TEX36: variants seen among roughly 807,000 people sequenced by gnomAD.
TEX36 encodes the protein testis-expressed protein 36.
Under a neutral mutation model 13.6 loss-of-function variants are expected in TEX36, and 12 were observed. That is an observed-to-expected ratio of 0.88 (90% CI 0.56 to 1.43). The LOEUF is 1.43. TEX36 is among the 40% of genes most tolerant of loss of function. The pLI, the probability that TEX36 is intolerant of heterozygous loss-of-function variation, is 0.00. For synonymous variants in TEX36, 93 were observed against 83.0 expected, an observed-to-expected ratio of 1.12 and a Z score of -0.65; for missense variants, 224 against 228.3, an observed-to-expected ratio of 0.98 and a Z score of 0.12.
At chr10:125,667,089 A>G (rs1847135655) in intron 1 of TEX36, 2 of 1,097,354 alleles carry the variant, frequency 1.8e-6, no homozygotes, top group Non-Finnish European at 2.7e-6. Flanking sequence ...AGCACTTGTT[A>G]ATGGCGTTGA....
At chr10:125,615,391 C>A (rs1193400722) in intron 3 of TEX36, among the ~76,000 whole-genome samples, 4 of 152,094 alleles carry the variant, frequency 2.6e-5, no homozygotes, top group East Asian at 1.9e-4. Context: ...CCAGTTTTTG[C>A]CCATTCAGTA....
rs575873473 is a variant in TEX36, at chr10:125,638,899, G to A, written c.265-17254C>T. Among the ~76,000 whole-genome samples, 25 of 152,290 alleles carry A rather than the reference G, an allele frequency of 1.6e-4. 1 individual carries two copies. The highest frequency in any genetic ancestry group is 1.0e-3 in the Admixed American group (16 of 15,292). ...GGTGGAAATGCATCATGCTCCTTCC[G>A]TCTGCTGAATAAACCCATCATCCCT... On this transcript the variant is annotated intron_variant, in intron 3 of 3. Transcript: ENST00000526819.
intron 3 of TEX36, among the ~76,000 whole-genome samples, chr10:125,609,229 C>T (rs527992035): frequency 6.0e-5 from 9 of 150,990 alleles, no homozygotes; most frequent in Admixed American, 5.3e-4. Context: ...GGAGAGGGAA[C>T]ATTCTCTGTG....
At chr10:125,582,679 A>G (rs905929309) in intron 3 of TEX36, among the ~76,000 whole-genome samples, 3 of 152,218 alleles carry the variant, frequency 2.0e-5, no homozygotes, top group Admixed American at 6.5e-5. Context: ...CAATCAATAA[A>G]TAAACCTCGG....
chr10:125,656,338 C>A, intron 3 of TEX36, 142 bp from the exon 4 acceptor site: 6 of 736,372 alleles, frequency 8.1e-6, no homozygotes, highest in Non-Finnish European at 1.2e-5. Flanking sequence ...CTCACTGCAG[C>A]CTCTGCCTCC....
At chr10:125,666,150 CA>C (rs1339494357) in intron 1 of TEX36, among the ~76,000 whole-genome samples, 3 of 152,138 alleles carry the variant, frequency 2.0e-5, no homozygotes, top group Non-Finnish European at 4.4e-5. Context: ...CAAAAAGAGA[CA>C]GTTTCACTTC....
chr10:125,602,777 G>A (rs1846165430), intron 3 of TEX36, among the ~76,000 whole-genome samples: 1 of 152,158 alleles, frequency 6.6e-6, no homozygotes, highest in Non-Finnish European at 1.5e-5. Flanking sequence ...AATTCTATGT[G>A]TTTATATTTC....
chr10:125,577,002 T>C, intron 3 of TEX36: 1 of 1,250,194 alleles, frequency 8.0e-7, no homozygotes, highest in Non-Finnish European at 1.1e-6. Context: ...CAGAGAAGGA[T>C]TTAGTGAGAC....
intron 1 of TEX36, chr10:125,667,638 C>T: frequency 1.4e-6 from 1 of 721,800 alleles, no homozygotes; most frequent in South Asian, 1.5e-5. Flanking sequence ...TTGCTGCCCC[C>T]AACACCACCC....
Position 125,592,508 on chromosome 10 carries a change from T to A in TEX36, c.265-15634A>T, listed in dbSNP as rs368816816. On this transcript the variant is annotated intron_variant, in intron 3 of 3. Transcript: ENST00000532135. ...TTTTCCTACTTTCTTACACAGTCACTCAACACAATGCTTCTGACACCAGAT... is the reference window on the plus strand; with the variant it reads ...TTTTCCTACTTTCTTACACAGTCACACAACACAATGCTTCTGACACCAGAT... Among the ~76,000 whole-genome samples the A allele has an allele frequency of 5.3e-5, 8 of 152,270 alleles. No homozygotes were observed. The South Asian group carries it at 1.7e-3, about 32-fold the overall frequency.
At chr10:125,672,762 G>C (rs1020437900) in intron 1 of TEX36, among the ~76,000 whole-genome samples, 9 of 152,188 alleles carry the variant, frequency 5.9e-5, no homozygotes, top group Non-Finnish European at 8.8e-5. Context: ...GGGAGTCTAA[G>C]TCTCTTTGTA....
chr10:125,628,856 G>A (rs1467295314), intron 3 of TEX36, among the ~76,000 whole-genome samples: 2 of 152,190 alleles, frequency 1.3e-5, no homozygotes, highest in Non-Finnish European at 2.9e-5. Flanking sequence ...TTGTGGCTGT[G>A]GTAGGGGGGA....
At chr10:125,639,099 C>T (rs1035094201) in intron 3 of TEX36, among the ~76,000 whole-genome samples, 2 of 152,166 alleles carry the variant, frequency 1.3e-5, no homozygotes, top group Admixed American at 1.3e-4. Flanking sequence ...CAAATGAATT[C>T]CTTATCTGGC....
chr10:125,632,156 T>C (rs577749805), intron 3 of TEX36, among the ~76,000 whole-genome samples: 1 of 152,088 alleles, frequency 6.6e-6, no homozygotes, highest in Admixed American at 6.5e-5. Context: ...CTTTGGTGAC[T>C]ACATAGATGG....
chr10:125,602,001 C>T (rs754673974), intron 3 of TEX36, among the ~76,000 whole-genome samples: 1 of 152,204 alleles, frequency 6.6e-6, no homozygotes, highest in Non-Finnish European at 1.5e-5. Context: ...ATACCCCCAG[C>T]AGGGAGGCGA....
In TEX36 at chr10:125,633,981, C is replaced by T. The variant is rs76784333; in HGVS notation, c.265-12336G>A. On this transcript the variant is annotated intron_variant, in intron 3 of 3. Transcript: ENST00000526819. Reference sequence around the variant, plus strand: ...CTCTGCCTCTAGGGTTCAAGTCTACCCCTCAGCATTGGATACCTTTACTTT... The same window carrying T: ...CTCTGCCTCTAGGGTTCAAGTCTACTCCTCAGCATTGGATACCTTTACTTT... Among the ~76,000 whole-genome samples, 599 of 152,150 alleles carry T rather than the reference C, an allele frequency of 3.9e-3. 12 individuals are homozygous for T. Among genetic ancestry groups the T allele is most frequent in the African/African-American group, 0.014 (573 of 41,508 alleles).
chr10:125,596,809 G>C (rs948555362), intron 3 of TEX36, among the ~76,000 whole-genome samples: 6 of 152,176 alleles, frequency 3.9e-5, no homozygotes, highest in Admixed American at 1.3e-4. Flanking sequence ...TCTTTATGGA[G>C]TGCTGTTTCA....
intron 3 of TEX36, among the ~76,000 whole-genome samples, chr10:125,583,463 G>C (rs1043822026): frequency 1.3e-5 from 2 of 152,170 alleles, no homozygotes; most frequent in African/African-American, 4.8e-5. Flanking sequence ...AGAACAAAAG[G>C]TTCTTTTTGT....
intron 1 of TEX36, among the ~76,000 whole-genome samples, chr10:125,662,488 G>A (rs1043072170): frequency 6.6e-6 from 1 of 152,108 alleles, no homozygotes; most frequent in African/African-American, 2.4e-5. Context: ...GGGAGGTAAC[G>A]TCTAGGAGGG....
Sources: allele counts gnomAD v4.1 joint callset (sites outside exome capture counted in the v4.1 genomes callset), GRCh38; gene constraint gnomAD v4.1.1; transcripts MANE v1.5; gene names NCBI Gene and HGNC (gene_info 2026-07-23, HGNC 2026-07-21).